Variants in TSC22D2 observed in about 807,000 individuals in gnomAD.
The protein encoded by TSC22D2 is TSC22 domain family protein 2.
A neutral mutation model predicts 50.1 loss-of-function variants in TSC22D2; 5 were observed. The observed-to-expected ratio is 0.10, with a 90% CI of 0.05 to 0.21. TSC22D2 has a LOEUF of 0.21. Ranked by LOEUF, TSC22D2 falls within the 10% of genes least tolerant of loss-of-function variation. TSC22D2 has a pLI of 1.00. For missense variants in TSC22D2, 1,003 were observed against 1,015.5 expected (o/e 0.99, Z 0.17); for synonymous variants, 501 against 450.1 (o/e 1.11, Z -1.43).
intron 1 of TSC22D2, among the ~76,000 whole-genome samples, chr3:150,448,017 G>A (rs1211876083): frequency 6.6e-6 from 1 of 152,146 alleles, no homozygotes; most frequent in Non-Finnish European, 1.5e-5. Flanking sequence ...TCTTTCAAGA[G>A]AGCCTGCTCT....
intron 1 of TSC22D2, among the ~76,000 whole-genome samples, chr3:150,431,937 C>T (rs1475406326): frequency 1.3e-5 from 2 of 152,168 alleles, no homozygotes; most frequent in African/African-American, 2.4e-5. Flanking sequence ...TTTTACATCA[C>T]CACTTGGGTT....
chr3:150,425,778 G>A (rs1371782241), intron 1 of TSC22D2, among the ~76,000 whole-genome samples: 1 of 151,916 alleles, frequency 6.6e-6, no homozygotes, highest in African/African-American at 2.4e-5. Flanking sequence ...TTTTTCCTCA[G>A]GAATCTTTCA....
At chr3:150,420,184 A>G (rs778421690) in intron 1 of TSC22D2, among the ~76,000 whole-genome samples, 16 of 152,162 alleles carry the variant, frequency 1.1e-4, no homozygotes, top group Non-Finnish European at 1.8e-4. Flanking sequence ...AAGCCTTTCA[A>G]TCTTTACAGA....
Position 150,408,604 on chromosome 3 carries a change from CT to C in TSC22D2, c.-746del, listed in dbSNP as rs907857613. Reference sequence around the variant, plus strand: ...CGCCCGCCCGCAGGGGTGGTTCCCCCTGTAAGGGGAGGACCGAGCCGGCTTT... The same window carrying C: ...CGCCCGCCCGCAGGGGTGGTTCCCCCGTAAGGGGAGGACCGAGCCGGCTTT... On this transcript the variant is annotated 5_prime_UTR_variant, in exon 1 of 3. Coordinates refer to ENST00000688009, the MANE Select transcript of TSC22D2 (RefSeq NM_001303264.2). 6.6e-6 allele frequency: 1 copy of C among 152,550 alleles called. No individual in the cohort carries two copies. Among genetic ancestry groups the C allele is most frequent in the African/African-American group, 2.4e-5 (1 of 41,426 alleles). The allele number at this position is 152,550 out of a possible 1,614,324, so 9.4% of individuals were successfully genotyped here.
intron 1 of TSC22D2, among the ~76,000 whole-genome samples, chr3:150,419,080 T>C (rs1719921795): frequency 1.3e-5 from 2 of 152,106 alleles, no homozygotes; most frequent in African/African-American, 4.8e-5. Flanking sequence ...ATTTGGAAAC[T>C]AACCTTATAT....
At chr3:150,445,173 A>G (rs1254806258) in intron 1 of TSC22D2, among the ~76,000 whole-genome samples, 1 of 151,908 alleles carries the variant, frequency 6.6e-6, no homozygotes, top group Admixed American at 6.6e-5. Context: ...TAAGAATGTT[A>G]TTAATGTCCA....
chr3:150,441,651 G>A (rs1329761934), intron 1 of TSC22D2, among the ~76,000 whole-genome samples: 1 of 152,116 alleles, frequency 6.6e-6, no homozygotes, highest in Non-Finnish European at 1.5e-5. Flanking sequence ...CTACTTGGGA[G>A]GCTGAGGTGG....
At chr3:150,414,682 C>A (rs1215089094) in intron 1 of TSC22D2, among the ~76,000 whole-genome samples, 2 of 152,044 alleles carry the variant, frequency 1.3e-5, no homozygotes, top group East Asian at 3.9e-4. Flanking sequence ...GCCATAAATA[C>A]ACATTTTGTT....
chr3:150,448,696 G>A (rs1667778498), intron 1 of TSC22D2, among the ~76,000 whole-genome samples: 1 of 151,964 alleles, frequency 6.6e-6, no homozygotes, highest in African/African-American at 2.4e-5. Context: ...CATTTTGAAT[G>A]TTTTAATAGA....
rs1263171557 is a variant in TSC22D2, at chr3:150,460,233, A to AAAAC, written c.*1600_*1603dup. On this transcript the variant is annotated 3_prime_UTR_variant, in exon 3 of 3. Coordinates refer to ENST00000688009, the MANE Select transcript of TSC22D2 (RefSeq NM_001303264.2). ...CTGATAGTTCTTAAATTTTCAAAGT[A>AAAAC]AAACAATTTAAAGAATGCAAAAATA... The AAAAC allele has an allele frequency of 6.6e-6, 1 of 152,198 alleles. No homozygotes were observed. Among genetic ancestry groups the AAAAC allele is most frequent in the East Asian group, 1.9e-4 (1 of 5,208 alleles). The allele number at this position is 152,198 out of a possible 1,614,324, so 9.4% of individuals were successfully genotyped here.
intron 2 of TSC22D2, 101 bp from the exon 3 acceptor site, chr3:150,458,275 A>G (rs1721257922): frequency 2.5e-6 from 3 of 1,219,960 alleles, no homozygotes; most frequent in Admixed American, 2.4e-5. Context: ...AAGCAAGAGC[A>G]GGAAAACTAG....
At chr3:150,434,906 A>G (rs1243324494) in intron 1 of TSC22D2, among the ~76,000 whole-genome samples, 2 of 152,114 alleles carry the variant, frequency 1.3e-5, no homozygotes, top group African/African-American at 4.8e-5. Flanking sequence ...CTTAAATTAT[A>G]TCTTGGCTCA....
In TSC22D2 at chr3:150,410,822, C is replaced by A. The variant is rs199503353; in HGVS notation, c.1472C>A (p.Pro491Gln). The A allele has an allele frequency of 3.7e-5, 60 of 1,613,302 alleles. No individual in the cohort carries two copies. In the Middle Eastern group the frequency reaches 6.6e-4, roughly 18 times the overall value. Residue 491 changes from proline (P) to glutamine (Q), a missense_variant, in exon 1 of 3, where the codon CCG becomes CAG. Around this residue, in one of 6 missense-constraint regions of TSC22D2, gnomAD observed 696 missense variants for 647.8 expected, o/e 1.07. Transcript: ENST00000688009. ...VPPPQMGGSG[P>Q]LSAVPGGPHA... ...CCGCCGCAGATGGGTGGCAGTGGTC[C>A]GCTGTCAGCCGTACCTGGTGGCCCT... is the stretch of plus-strand genomic sequence containing the variant.
At chr3:150,418,329 T>C (rs1001487964) in intron 1 of TSC22D2, among the ~76,000 whole-genome samples, 1 of 151,956 alleles carries the variant, frequency 6.6e-6, no homozygotes, top group Non-Finnish European at 1.5e-5. Context: ...TGGAGTAATA[T>C]AAGGTGCTAA....
rs1721519324 is a variant in TSC22D2, at chr3:150,465,374, T to A, written c.*6738T>A. ...GCACATTAAAACACAAGAAACCATC[T>A]CAGATCCAACTAATATTTAGCGTGC... On this transcript the variant is annotated 3_prime_UTR_variant, in exon 3 of 3. Transcript: ENST00000688009. 1 of 152,238 alleles carries A rather than the reference T, an allele frequency of 6.6e-6. No individual in the cohort carries two copies. The highest frequency in any genetic ancestry group is 1.9e-4 in the East Asian group (1 of 5,178). The allele number at this position is 152,238 out of a possible 1,614,324, so 9.4% of individuals were successfully genotyped here. A position where few individuals can be genotyped will look rare whatever the true frequency, so the allele number is the denominator to read the frequency against.
intron 1 of TSC22D2, among the ~76,000 whole-genome samples, chr3:150,425,007 T>C (rs111306002): frequency 0.011 from 1,605 of 152,334 alleles, 26 homozygotes; most frequent in African/African-American, 0.036. Flanking sequence ...GAATTACTGA[T>C]AGGTATATCA....
intron 1 of TSC22D2, among the ~76,000 whole-genome samples, chr3:150,437,184 C>T (rs886930447): frequency 6.6e-6 from 1 of 151,720 alleles, no homozygotes; most frequent in Non-Finnish European, 1.5e-5. Context: ...ACATAGATGC[C>T]CAATTGAAAG....
At chr3:150,445,565 A>G (rs1171494039) in intron 1 of TSC22D2, among the ~76,000 whole-genome samples, 1 of 152,132 alleles carries the variant, frequency 6.6e-6, no homozygotes, top group African/African-American at 2.4e-5. Flanking sequence ...TTGGGAGATT[A>G]ACTCTTATTT....
chr3:150,454,824 AC>A (rs1721139461), intron 1 of TSC22D2, among the ~76,000 whole-genome samples: 1 of 152,224 alleles, frequency 6.6e-6, no homozygotes, highest in South Asian at 2.1e-4. Flanking sequence ...ATCTATTTAT[AC>A]CTTGCAAACC....
Sources: allele counts gnomAD v4.1 joint callset (sites outside exome capture counted in the v4.1 genomes callset), GRCh38; gene constraint gnomAD v4.1.1; regional missense constraint gnomAD v4.1.1; transcripts MANE v1.5; gene names NCBI Gene and HGNC (gene_info 2026-07-23, HGNC 2026-07-21).